CDH2: variants seen among roughly 807,000 people sequenced by gnomAD.
CDH2 encodes cadherin-2.
A neutral mutation model predicts 92.0 loss-of-function variants in CDH2; 17 were observed. The observed-to-expected ratio is 0.18, with a 90% CI of 0.13 to 0.28. The LOEUF (loss-of-function observed/expected upper bound fraction) is 0.28, where lower values mean the gene tolerates loss of function less well. CDH2 is among the 10% of genes least tolerant of loss of function. The pLI is 1.00. For synonymous variants in CDH2, 419 were observed against 415.9 expected, an observed-to-expected ratio of 1.01 and a Z score of -0.09; for missense variants, 862 against 1,133.1, an observed-to-expected ratio of 0.76 and a Z score of 3.44.
At chr18:28,107,370 T>C (rs941206559) in intron 2 of CDH2, among the ~76,000 whole-genome samples, 2 of 152,068 alleles carry the variant, frequency 1.3e-5, no homozygotes, top group Admixed American at 6.6e-5. Context: ...CCACAGAATA[T>C]GGAGTGTATG....
intron 2 of CDH2, among the ~76,000 whole-genome samples, chr18:28,120,458 A>G (rs1275517817): frequency 6.6e-6 from 1 of 152,130 alleles, no homozygotes; most frequent in Non-Finnish European, 1.5e-5. Context: ...ATTTTGATAT[A>G]TAAAATATAT....
At chr18:28,010,995 G>T in intron 4 of CDH2, among the ~76,000 whole-genome samples, 1 of 150,008 alleles carries the variant, frequency 6.7e-6, no homozygotes, top group South Asian at 2.1e-4. Flanking sequence ...CTTCATTAAA[G>T]TAGAAAAAGA....
chr18:27,967,917 T>C (rs2011568951), intron 14 of CDH2, among the ~76,000 whole-genome samples: 1 of 152,200 alleles, frequency 6.6e-6, no homozygotes, highest in Admixed American at 6.5e-5. Context: ...TCAGTATAAA[T>C]TGAAATTCTG....
chr18:27,936,789 C>T (rs1909030190), intron 6 of CDH2, among the ~76,000 whole-genome samples: 1 of 152,172 alleles, frequency 6.6e-6, no homozygotes, highest in African/African-American at 2.4e-5. Context: ...CCTGCCTTGG[C>T]TCCCAAAGTG....
intron 7 of CDH2, among the ~76,000 whole-genome samples, chr18:27,999,078 G>A (rs1175990097): frequency 6.6e-6 from 1 of 152,198 alleles, no homozygotes; most frequent in African/African-American, 2.4e-5. Context: ...TCAGAGAAGG[G>A]ATTGAGAACT....
intron 2 of CDH2, among the ~76,000 whole-genome samples, chr18:28,080,144 C>T (rs989154184): frequency 6.6e-6 from 1 of 152,004 alleles, no homozygotes; most frequent in Non-Finnish European, 1.5e-5. Context: ...AAAGACAAGA[C>T]CCTGAGGGCA....
intron 6 of CDH2, 132 bp downstream of exon 6, chr18:28,005,717 C>T: frequency 8.1e-6 from 5 of 614,234 alleles, no homozygotes; most frequent in South Asian, 3.8e-5. Context: ...TCCTTCTTTC[C>T]CAAAAGCATT....
intron 2 of CDH2, among the ~76,000 whole-genome samples, chr18:28,025,671 A>G (rs1023803983): frequency 1.3e-5 from 2 of 151,668 alleles, no homozygotes; most frequent in Non-Finnish European, 2.9e-5. Context: ...GTTTTGATAC[A>G]TGTACATGTA....
chr18:27,979,782 A>G (rs2011980940), intron 14 of CDH2, among the ~76,000 whole-genome samples: 1 of 152,188 alleles, frequency 6.6e-6, no homozygotes, highest in South Asian at 2.1e-4. Context: ...ACAGAAATAA[A>G]AAAGAGTGGT....
chr18:28,148,729 G>A (rs17446875), intron 1 of CDH2, among the ~76,000 whole-genome samples: 25,322 of 152,136 alleles, frequency 0.17, 2,652 homozygotes, highest in Non-Finnish European at 0.23. Flanking sequence ...GTGAGAACCA[G>A]AAATTGAGAG....
intron 4 of CDH2, among the ~76,000 whole-genome samples, chr18:28,010,940 T>TG (rs2013080872): frequency 1.0e-5 from 1 of 97,172 alleles, no homozygotes; most frequent in African/African-American, 3.4e-5. Context: ...GCCCTGCCTG[T>TG]TTTTTTTTTT....
chr18:28,054,764 A>G (rs2014259888), intron 2 of CDH2, among the ~76,000 whole-genome samples: 1 of 152,304 alleles, frequency 6.6e-6, no homozygotes, highest in East Asian at 1.9e-4. Flanking sequence ...TGATCCTGTA[A>G]AATGGGAAAC....
At chr18:28,030,430 C>T (rs914482368) in intron 2 of CDH2, among the ~76,000 whole-genome samples, 9 of 152,078 alleles carry the variant, frequency 5.9e-5, no homozygotes, top group Admixed American at 3.3e-4. Context: ...ACAATAGGTC[C>T]ACACTGCAGA....
chr18:28,080,329 A>G (rs1351530386), intron 2 of CDH2, among the ~76,000 whole-genome samples: 1 of 152,178 alleles, frequency 6.6e-6, no homozygotes, highest in African/African-American at 2.4e-5. Flanking sequence ...TTAATAAGGC[A>G]ATTTGAAAGA....
chr18:28,036,455 G>C (rs1164089250), intron 2 of CDH2: 1 of 1,252,482 alleles, frequency 8.0e-7, no homozygotes, highest in South Asian at 1.2e-5. Flanking sequence ...GAATGAATAA[G>C]GCAATTTTTG....
intron 2 of CDH2, among the ~76,000 whole-genome samples, chr18:28,103,998 C>CT: frequency 6.6e-6 from 1 of 152,134 alleles, no homozygotes. Flanking sequence ...TGGGGCACCA[C>CT]TTTTTCTGGC....
chr18:28,131,848 T>C (rs569601614), intron 2 of CDH2, among the ~76,000 whole-genome samples: 40 of 152,314 alleles, frequency 2.6e-4, no homozygotes, highest in Non-Finnish European at 4.7e-4. Flanking sequence ...TACTATTCTC[T>C]GCAATAGATA....
chr18:28,094,568 G>A (rs549875050), intron 2 of CDH2, among the ~76,000 whole-genome samples: 5 of 152,000 alleles, frequency 3.3e-5, no homozygotes, highest in Admixed American at 3.3e-4. Flanking sequence ...GCTGAGGCGG[G>A]CGGATCACAA....
At chr18:28,123,700 A>T (rs1040794828) in intron 2 of CDH2, among the ~76,000 whole-genome samples, 7 of 152,174 alleles carry the variant, frequency 4.6e-5, no homozygotes, top group Non-Finnish European at 1.0e-4. Context: ...GAATTGAAGC[A>T]CAGGCTTCAT....
Sources: allele counts gnomAD v4.1 joint callset (sites outside exome capture counted in the v4.1 genomes callset), GRCh38; gene constraint gnomAD v4.1.1; transcripts MANE v1.5; gene names NCBI Gene and HGNC (gene_info 2026-07-23, HGNC 2026-07-21).